Variants in GRIK1 observed in about 807,000 individuals in gnomAD.
GRIK1 encodes glutamate receptor ionotropic, kainate 1.
Under a neutral mutation model 105.7 loss-of-function variants are expected in GRIK1, and 69 were observed. The observed-to-expected ratio is 0.65, with a 90% CI of 0.54 to 0.80. GRIK1 has a LOEUF of 0.80. GRIK1 is among the 30% of genes least tolerant of loss of function. The pLI is 0.00. For synonymous variants in GRIK1, 438 were observed against 431.3 expected, an observed-to-expected ratio of 1.02 and a Z score of -0.19; for missense variants, 1,109 against 1,167.3, an observed-to-expected ratio of 0.95 and a Z score of 0.73.
chr21:29,876,781 A>C (rs528244871), intron 1 of GRIK1, among the ~76,000 whole-genome samples: 9 of 152,242 alleles, frequency 5.9e-5, no homozygotes, highest in African/African-American at 2.2e-4. Context: ...CTTAACTTTT[A>C]CCACATACAT....
At position 29,589,050 on chromosome 21, in the gene GRIK1, A is replaced by C; in HGVS notation, c.1366-8T>G. On this transcript the variant is annotated splice_polypyrimidine_tract_variant and splice_region_variant and intron_variant, in intron 10 of 17. Coordinates refer to ENST00000327783, the MANE Select transcript of GRIK1 (RefSeq NM_001330994.2). Reference sequence around the variant, plus strand: ...CATAACATAGGGTTCTTCCTAAATGAAACAAACCAAATATGAAAACCCTGT... The same window carrying C: ...CATAACATAGGGTTCTTCCTAAATGCAACAAACCAAATATGAAAACCCTGT... The C allele has an allele frequency of 6.9e-7, 1 of 1,453,088 alleles. No individual in the cohort carries two copies. 90.0% of individuals were successfully genotyped at this position (1,453,088 alleles called of 1,614,324 possible).
At chr21:29,611,760 T>C (rs1159138247) in intron 7 of GRIK1, among the ~76,000 whole-genome samples, 1 of 152,216 alleles carries the variant, frequency 6.6e-6, no homozygotes, top group Non-Finnish European at 1.5e-5. Context: ...GTGGGCTTAT[T>C]TCTCCATTTT....
intron 1 of GRIK1, among the ~76,000 whole-genome samples, chr21:29,811,103 G>A (rs537862598): frequency 3.9e-5 from 6 of 152,132 alleles, no homozygotes; most frequent in Admixed American, 6.5e-5. Context: ...TGCTGGCTCC[G>A]AGTGAAAGTG....
At position 29,939,540 on chromosome 21, in the gene GRIK1, C is replaced by G; in HGVS notation, c.-40G>C. The G allele has an allele frequency of 7.5e-7, 1 of 1,341,206 alleles. No individual in the cohort carries two copies. The highest frequency in any genetic ancestry group is 1.0e-6 in the Non-Finnish European group (1 of 973,712). 83.1% of individuals were successfully genotyped at this position (1,341,206 alleles called of 1,614,324 possible). On this transcript the variant is annotated 5_prime_UTR_variant, in exon 1 of 18. Coordinates refer to ENST00000327783, the MANE Select transcript of GRIK1 (RefSeq NM_001330994.2). The stretch of plus-strand genomic sequence containing the variant: ...AATTCATGCCGAGATACAGCCGCTG[C>G]CGGACGCCCGAGAGATGCACCCAAC...
At chr21:29,813,078 A>G (rs1221195254) in intron 1 of GRIK1, among the ~76,000 whole-genome samples, 4 of 152,110 alleles carry the variant, frequency 2.6e-5, no homozygotes, top group Non-Finnish European at 5.9e-5. Context: ...AGGATTCTCT[A>G]GGCAGCTCTC....
intron 1 of GRIK1, among the ~76,000 whole-genome samples, chr21:29,935,749 G>T (rs972523444): frequency 2.6e-5 from 4 of 151,902 alleles, no homozygotes; most frequent in African/African-American, 9.7e-5. Flanking sequence ...TTATTTGGTG[G>T]TTTTTTGGCA....
chr21:29,650,259 A>G (rs1198664321), intron 6 of GRIK1, among the ~76,000 whole-genome samples: 2 of 152,196 alleles, frequency 1.3e-5, no homozygotes, highest in Non-Finnish European at 2.9e-5. Context: ...TCTCTGTGAG[A>G]TGTTGGGTAA....
intron 7 of GRIK1, among the ~76,000 whole-genome samples, chr21:29,632,921 T>G (rs1024161776): frequency 3.3e-5 from 5 of 152,180 alleles, no homozygotes; most frequent in African/African-American, 7.2e-5. Flanking sequence ...TCTTAGTGCT[T>G]TAGTTATTGC....
intron 1 of GRIK1, among the ~76,000 whole-genome samples, chr21:29,893,326 T>A (rs767469809): frequency 6.6e-6 from 1 of 152,180 alleles, no homozygotes; most frequent in Non-Finnish European, 1.5e-5. Context: ...TAGAGATAAG[T>A]ATGGTGCAAT....
intron 1 of GRIK1, among the ~76,000 whole-genome samples, chr21:29,920,707 G>T (rs1213201541): frequency 6.6e-6 from 1 of 152,094 alleles, no homozygotes. Context: ...AGATACTCAT[G>T]AAGCTTGGAG....
At chr21:29,883,163 T>G (rs2069486287) in intron 1 of GRIK1, among the ~76,000 whole-genome samples, 1 of 152,122 alleles carries the variant, frequency 6.6e-6, no homozygotes, top group African/African-American at 2.4e-5. Context: ...TTAACCCATT[T>G]AGTGGTTTTC....
chr21:29,741,613 A>C (rs533808732), intron 1 of GRIK1, among the ~76,000 whole-genome samples: 1 of 152,346 alleles, frequency 6.6e-6, no homozygotes, highest in African/African-American at 2.4e-5. Flanking sequence ...AACAGCCTAC[A>C]TTCCTACTAG....
At chr21:29,808,742 A>G (rs77307300) in intron 1 of GRIK1, among the ~76,000 whole-genome samples, 2,512 of 152,196 alleles carry the variant, frequency 0.017, 66 homozygotes, top group African/African-American at 0.057. Context: ...TGTCTTTCTG[A>G]TTCTCAGCTT....
At chr21:29,818,114 T>C (rs1183036460) in intron 1 of GRIK1, among the ~76,000 whole-genome samples, 5 of 152,144 alleles carry the variant, frequency 3.3e-5, no homozygotes, top group African/African-American at 1.2e-4. Context: ...GATGGAAATT[T>C]AGGGAAAACC....
At chr21:29,936,320 G>T (rs190909542) in intron 1 of GRIK1, among the ~76,000 whole-genome samples, 2 of 152,174 alleles carry the variant, frequency 1.3e-5, no homozygotes, top group East Asian at 1.9e-4. Flanking sequence ...TCCTAAAATT[G>T]CATATGCACT....
intron 9 of GRIK1, among the ~76,000 whole-genome samples, chr21:29,594,953 T>C (rs1200949640): frequency 2.6e-5 from 4 of 152,290 alleles, no homozygotes; most frequent in Admixed American, 6.5e-5. Context: ...GGGATTTCAA[T>C]ATGATGAAGG....
chr21:29,833,770 C>T (rs113248697), intron 1 of GRIK1, among the ~76,000 whole-genome samples: 321 of 152,202 alleles, frequency 2.1e-3, no homozygotes, highest in Non-Finnish European at 2.9e-3. Context: ...ACACACACCA[C>T]ACACACACTC....
chr21:29,676,214 C>G (rs1320368289), intron 3 of GRIK1, among the ~76,000 whole-genome samples: 1 of 152,028 alleles, frequency 6.6e-6, no homozygotes, highest in African/African-American at 2.4e-5. Flanking sequence ...CTATTTTTCT[C>G]CTTTTGCCAG....
intron 1 of GRIK1, among the ~76,000 whole-genome samples, chr21:29,850,444 T>A (rs2068268768): frequency 6.6e-6 from 1 of 152,192 alleles, no homozygotes; most frequent in Non-Finnish European, 1.5e-5. Context: ...CCTAATGTTC[T>A]AACTGCATAC....
Sources: allele counts gnomAD v4.1 joint callset (sites outside exome capture counted in the v4.1 genomes callset), GRCh38; gene constraint gnomAD v4.1.1; transcripts MANE v1.5; gene names NCBI Gene and HGNC (gene_info 2026-07-23, HGNC 2026-07-21).